The following LTBP1 variants were observed in gnomAD, a reference collection of about 807,000 sequenced individuals.
LTBP1 encodes the protein latent-transforming growth factor beta-binding protein 1.
Under a neutral mutation model 207.6 loss-of-function variants are expected in LTBP1, and 129 were observed. That is an observed-to-expected ratio of 0.62 (90% CI 0.54 to 0.72). The LOEUF is 0.72. Ranked by LOEUF, LTBP1 falls within the 30% of genes least tolerant of loss-of-function variation. The pLI is 0.00. For missense variants in LTBP1, 2,281 were observed against 2,217.2 expected (o/e 1.03, Z -0.58); for synonymous variants, 963 against 833.7 (o/e 1.16, Z -2.67).
At chr2:33,251,555 C>G (rs2092684257) in intron 10 of LTBP1, among the ~76,000 whole-genome samples, 1 of 151,326 alleles carries the variant, frequency 6.6e-6, no homozygotes, top group African/African-American at 2.4e-5. Context: ...GTCCCACCTA[C>G]TCAGGAGGCT....
rs144436776 is a variant in LTBP1 at position 33,189,168 on chromosome 2, T to A, written c.1701+317T>A. On this transcript the variant is annotated intron_variant, in intron 7 of 33. Transcript: ENST00000404816. ...GCTTGCCAGTCCCTGATGTACAGAA[T>A]ACATTTATTTATTTATTTGTTTATT... Among the ~76,000 whole-genome samples, 103 of 148,432 alleles carry A rather than the reference T, an allele frequency of 6.9e-4. 1 individual carries two copies. The highest frequency in any genetic ancestry group is 2.4e-3 in the African/African-American group (98 of 40,736).
intron 15 of LTBP1, among the ~76,000 whole-genome samples, chr2:33,266,907 C>G (rs1381640661): frequency 1.3e-5 from 2 of 152,272 alleles, no homozygotes; most frequent in South Asian, 4.1e-4. Flanking sequence ...GAAACATGAC[C>G]CCCCCACTCA....
chr2:33,344,530 T>C (rs1256376489), intron 25 of LTBP1, among the ~76,000 whole-genome samples: 1 of 152,216 alleles, frequency 6.6e-6, no homozygotes, highest in Non-Finnish European at 1.5e-5. Flanking sequence ...TCTCCTTCCC[T>C]GAGCCCTGGA....
Position 33,054,068 on chromosome 2 carries a change from A to G in LTBP1, c.863+32862A>G, listed in dbSNP as rs537107110. Among the ~76,000 whole-genome samples, 4 of 152,304 alleles carry G rather than the reference A, an allele frequency of 2.6e-5. No individual in the cohort carries two copies. In the East Asian group the frequency reaches 5.8e-4, roughly 22 times the overall value. Reference sequence around the variant, plus strand: ...ACTGGGAGTCAGAGTGCAGGACAATACAGAAGAAGGATCCTCGAAGTCCAG... The same window carrying G: ...ACTGGGAGTCAGAGTGCAGGACAATGCAGAAGAAGGATCCTCGAAGTCCAG... On this transcript the variant is annotated intron_variant, in intron 3 of 33. Coordinates refer to ENST00000404816, the MANE Select transcript of LTBP1 (RefSeq NM_206943.4).
chr2:33,155,375 C>T (rs939326394), intron 5 of LTBP1, among the ~76,000 whole-genome samples: 1 of 152,146 alleles, frequency 6.6e-6, no homozygotes, highest in African/African-American at 2.4e-5. Flanking sequence ...GTCTCTAATA[C>T]AGATTATTAA....
intron 31 of LTBP1, among the ~76,000 whole-genome samples, chr2:33,381,886 G>A (rs1264254771): frequency 2.6e-5 from 4 of 152,030 alleles, no homozygotes; most frequent in Non-Finnish European, 5.9e-5. Context: ...CTATTAAAAA[G>A]TGTAGTTTTC....
chr2:33,226,611 C>T (rs983844034), intron 9 of LTBP1, among the ~76,000 whole-genome samples: 1 of 152,160 alleles, frequency 6.6e-6, no homozygotes, highest in Admixed American at 6.5e-5. Flanking sequence ...AATACTCACT[C>T]TTAATAATAT....
intron 2 of LTBP1, among the ~76,000 whole-genome samples, chr2:33,012,584 T>C (rs1201473361): frequency 6.6e-6 from 1 of 152,242 alleles, no homozygotes; most frequent in African/African-American, 2.4e-5. Context: ...TCTGTACTTG[T>C]GTCTTTCCTA....
At chr2:33,233,472 C>T (rs957972607) in intron 9 of LTBP1, among the ~76,000 whole-genome samples, 3 of 152,078 alleles carry the variant, frequency 2.0e-5, no homozygotes, top group Admixed American at 1.3e-4. Flanking sequence ...AAGACCATTT[C>T]GTAAAATTAT....
chr2:33,239,997 T>A (rs889975209), intron 9 of LTBP1, among the ~76,000 whole-genome samples: 12 of 152,260 alleles, frequency 7.9e-5, no homozygotes, highest in Admixed American at 5.9e-4. Context: ...ACAAATAAGC[T>A]ATTTATAAAA....
At chr2:33,222,912 A>G (rs17642074) in intron 9 of LTBP1, among the ~76,000 whole-genome samples, 61,687 of 152,040 alleles carry the variant, frequency 0.41, 13,554 homozygotes, top group Non-Finnish European at 0.49. Context: ...TTCCCTTTAC[A>G]TGTCTAGGAT....
chr2:33,380,759 C>T (rs1412466514), intron 31 of LTBP1, among the ~76,000 whole-genome samples: 1 of 152,088 alleles, frequency 6.6e-6, no homozygotes, highest in East Asian at 1.9e-4. Context: ...CAGTGAACTT[C>T]ACAGAACATG....
intron 32 of LTBP1, among the ~76,000 whole-genome samples, chr2:33,391,971 C>T (rs1342492805): frequency 6.6e-6 from 1 of 152,160 alleles, no homozygotes; most frequent in African/African-American, 2.4e-5. Flanking sequence ...CCTTCCCAGC[C>T]AGTTTTCTGA....
chr2:33,243,817 G>T, intron 10 of LTBP1, 33 bp downstream of exon 10: 1 of 1,612,076 alleles, frequency 6.2e-7, no homozygotes, highest in Non-Finnish European at 8.5e-7. Flanking sequence ...TCCTGTTTTG[G>T]ATTAATTGTC....
chr2:33,214,930 T>G (rs1272685414), intron 7 of LTBP1, among the ~76,000 whole-genome samples: 3 of 152,174 alleles, frequency 2.0e-5, no homozygotes, highest in Admixed American at 2.0e-4. Flanking sequence ...CAGAATGTCT[T>G]TAACACCTGC....
At chr2:33,111,905 G>A (rs2080430842) in intron 4 of LTBP1, among the ~76,000 whole-genome samples, 1 of 152,142 alleles carries the variant, frequency 6.6e-6, no homozygotes, top group East Asian at 1.9e-4. Context: ...ATTTGCAAAA[G>A]AATAGATGCA....
At chr2:33,172,121 A>T (rs951922806) in intron 5 of LTBP1, among the ~76,000 whole-genome samples, 86 of 152,332 alleles carry the variant, frequency 5.6e-4, no homozygotes, top group African/African-American at 1.9e-3. Flanking sequence ...ATAACCAGCT[A>T]ACATCAAAAT....
At chr2:32,980,903 T>C (rs1412310056) in intron 2 of LTBP1, among the ~76,000 whole-genome samples, 1 of 152,240 alleles carries the variant, frequency 6.6e-6, no homozygotes, top group Non-Finnish European at 1.5e-5. Flanking sequence ...TCCATGACAC[T>C]CTCTCCTGGC....
intron 5 of LTBP1, among the ~76,000 whole-genome samples, chr2:33,178,455 G>A (rs1040952104): frequency 5.9e-5 from 9 of 152,148 alleles, no homozygotes; most frequent in South Asian, 2.1e-4. Flanking sequence ...GTGTGATAGC[G>A]CTTCGTATCT....
Sources: gnomAD v4.1 joint callset for allele counts (sites outside exome capture counted in the v4.1 genomes callset) on GRCh38, gnomAD v4.1.1 for gene constraint, MANE v1.5 for transcripts, NCBI Gene and HGNC (gene_info 2026-07-23, HGNC 2026-07-21) for gene names.